MAGI1: variants seen among roughly 807,000 people sequenced by gnomAD.
MAGI1 encodes the protein membrane associated guanylate kinase, WW and PDZ domain containing 1.
In MAGI1, 58 loss-of-function variants were observed where a neutral mutation model predicts 139.9. The ratio of observed to expected loss-of-function variants is 0.41; its 90% confidence interval spans 0.34 to 0.52. MAGI1 has a LOEUF of 0.52. Among genes scored for constraint, MAGI1 ranks in the 20% least tolerant of loss-of-function variants. The pLI, the probability that MAGI1 is intolerant of heterozygous loss-of-function variation, is 0.12. For synonymous variants in MAGI1, 812 were observed against 737.9 expected (o/e 1.10, Z -1.63); for missense variants, 1,874 against 1,901.6 (o/e 0.99, Z 0.27).
rs143546019 is a variant in MAGI1, at chr3:65,379,537, C to T, written c.2719G>A (p.Glu907Lys). The T allele has an allele frequency of 2.5e-5, 40 of 1,609,804 alleles. No homozygotes were observed. Among genetic ancestry groups the T allele is most frequent in the Non-Finnish European group, 3.2e-5 (38 of 1,176,684 alleles). ...VVFAVPKTEN[E>K]VPSPASSHHS... ...TGAGAGGAGGCTGGCGAGGGCACCTCGTTCTCGGTTTTGGGCACTGTAGCA... is the reference window on the plus strand; with the variant it reads ...TGAGAGGAGGCTGGCGAGGGCACCTTGTTCTCGGTTTTGGGCACTGTAGCA... The change falls in exon 17 of 23, where the codon GAG becomes AAG. Residue 907 changes from glutamate (E) to lysine (K), a missense_variant. Glu to Lys is a moderately conservative substitution (Grantham distance 56). This residue lies in a region of MAGI1 where 482 missense variants were observed against 509.6 expected (regional missense o/e 0.95). Transcript: ENST00000402939.
intron 1 of MAGI1, among the ~76,000 whole-genome samples, chr3:65,738,843 C>A (rs2035012953): frequency 6.6e-6 from 1 of 152,198 alleles, no homozygotes; most frequent in Non-Finnish European, 1.5e-5. Context: ...AGCAGATGTG[C>A]TATCATTCAG....
At chr3:65,746,614 C>T (rs1266651625) in intron 1 of MAGI1, among the ~76,000 whole-genome samples, 1 of 152,108 alleles carries the variant, frequency 6.6e-6, no homozygotes, top group African/African-American at 2.4e-5. Context: ...GGGTATCTAT[C>T]CATTCACTCG....
intron 12 of MAGI1, among the ~76,000 whole-genome samples, chr3:65,406,559 G>C (rs964610301): frequency 2.0e-5 from 3 of 152,018 alleles, no homozygotes; most frequent in African/African-American, 7.2e-5. Flanking sequence ...TGGGTCTCCC[G>C]ACTTCAGCAT....
At chr3:65,957,192 T>A (rs1245065294) in intron 1 of MAGI1, among the ~76,000 whole-genome samples, 1 of 151,792 alleles carries the variant, frequency 6.6e-6, no homozygotes, top group Non-Finnish European at 1.5e-5. Context: ...TGAGTAAATG[T>A]AGATATATGC....
intron 1 of MAGI1, among the ~76,000 whole-genome samples, chr3:65,653,221 T>C (rs927151213): frequency 6.6e-6 from 1 of 152,142 alleles, no homozygotes; most frequent in Admixed American, 6.6e-5. Context: ...AACTGCCCAG[T>C]TCTTCTAATT....
chr3:65,596,809 C>T (rs2082227920), intron 2 of MAGI1, among the ~76,000 whole-genome samples: 1 of 152,194 alleles, frequency 6.6e-6, no homozygotes, highest in South Asian at 2.1e-4. Flanking sequence ...ACTCAGCAAG[C>T]CAGACTCTGG....
intron 1 of MAGI1, among the ~76,000 whole-genome samples, chr3:65,878,515 CAAAAAAA>C (rs35158287): frequency 1.2e-5 from 1 of 81,260 alleles, no homozygotes; most frequent in Non-Finnish European, 2.6e-5. Context: ...GACTCAGTCT[CAAAAAAA>C]AAAAAAAAAA....
At chr3:65,437,315 CTTA>C in intron 9 of MAGI1, 68 bp from the exon 10 acceptor site, 1 of 992,122 alleles carries the variant, frequency 1.0e-6, no homozygotes, top group Non-Finnish European at 1.6e-6. Flanking sequence ...TATGATTCAC[CTTA>C]TTATTAATAA....
chr3:65,588,074 C>T (rs550655145), intron 2 of MAGI1, among the ~76,000 whole-genome samples: 5 of 152,228 alleles, frequency 3.3e-5, no homozygotes, highest in African/African-American at 1.2e-4. Context: ...AAATCGCTGG[C>T]TCATCTGCCT....
chr3:65,442,190 C>A (rs1948390197), intron 8 of MAGI1, among the ~76,000 whole-genome samples: 1 of 151,396 alleles, frequency 6.6e-6, no homozygotes, highest in Non-Finnish European at 1.5e-5. Flanking sequence ...GAATAAGGCA[C>A]ACAGTAAAGT....
At chr3:65,439,783 TCATCGAGGC>T (rs1157140720) in intron 9 of MAGI1, 87 bp downstream of exon 9, 7 of 1,581,408 alleles carry the variant, frequency 4.4e-6, no homozygotes, top group Non-Finnish European at 6.0e-6. Context: ...GAGGACTCAA[TCATCGAGGC>T]CAGTTCTGAC....
intron 1 of MAGI1, among the ~76,000 whole-genome samples, chr3:65,635,129 G>C (rs1293553993): frequency 6.6e-6 from 1 of 151,976 alleles, no homozygotes; most frequent in Non-Finnish European, 1.5e-5. Flanking sequence ...CAATGGTGTG[G>C]TCGTGGCTCT....
At chr3:65,439,753 A>C in intron 9 of MAGI1, 126 bp downstream of exon 9, 1 of 1,543,690 alleles carries the variant, frequency 6.5e-7, no homozygotes, top group Non-Finnish European at 8.7e-7. Context: ...ACAGGACATC[A>C]GCTCTTCAGT....
At chr3:65,739,888 T>C (rs555233581) in intron 1 of MAGI1, among the ~76,000 whole-genome samples, 63 of 152,184 alleles carry the variant, frequency 4.1e-4, no homozygotes, top group African/African-American at 1.3e-3. Context: ...AGTTTAAATA[T>C]TGTGAGAATT....
chr3:65,794,544 C>T (rs1408793622), intron 1 of MAGI1, among the ~76,000 whole-genome samples: 3 of 152,060 alleles, frequency 2.0e-5, no homozygotes, highest in Non-Finnish European at 4.4e-5. Flanking sequence ...GAATGAAAAT[C>T]AAAACCCTCA....
chr3:66,005,849 G>A (rs747576932), intron 1 of MAGI1, among the ~76,000 whole-genome samples: 7 of 128,212 alleles, frequency 5.5e-5, no homozygotes, highest in Non-Finnish European at 1.2e-4. Flanking sequence ...CAAATAAACA[G>A]AGAGGGAAAG....
intron 1 of MAGI1, among the ~76,000 whole-genome samples, chr3:65,730,901 G>A (rs546831104): frequency 2.5e-4 from 36 of 143,006 alleles, no homozygotes; most frequent in African/African-American, 9.3e-4. Context: ...CCACCCCCCC[G>A]GGGTTTTTGT....
rs75629930 is a variant in MAGI1 at position 65,781,492 on chromosome 3, C to T, written c.314-159404G>A. ...CAGGTTTGTTATATATAAACACGTA[C>T]GTGGTGGTTTGCTGCATGGAATAGG... On this transcript the variant is annotated intron_variant, in intron 1 of 22. Transcript: ENST00000402939. Among the ~76,000 whole-genome samples the T allele has an allele frequency of 4.7e-3, 710 of 152,190 alleles. 7 individuals are homozygous for T. The highest frequency in any genetic ancestry group is 0.017 in the African/African-American group (687 of 41,516).
chr3:65,780,892 T>C (rs937622878), intron 1 of MAGI1, among the ~76,000 whole-genome samples: 1 of 152,208 alleles, frequency 6.6e-6, no homozygotes, highest in African/African-American at 2.4e-5. Flanking sequence ...TTTTTCTGTT[T>C]TATGTTTCAC....
Sources: allele counts gnomAD v4.1 joint callset (sites outside exome capture counted in the v4.1 genomes callset), GRCh38; gene constraint gnomAD v4.1.1; regional missense constraint gnomAD v4.1.1; transcripts MANE v1.5; gene names NCBI Gene and HGNC (gene_info 2026-07-23, HGNC 2026-07-21).